Variants in IPO13 observed in about 807,000 individuals in gnomAD.
IPO13 encodes importin-13.
A neutral mutation model predicts 115.5 loss-of-function variants in IPO13; 28 were observed. That is an observed-to-expected ratio of 0.24 (90% CI 0.18 to 0.33). The LOEUF is 0.33. Ranked by LOEUF, IPO13 falls within the 10% of genes least tolerant of loss-of-function variation. The pLI, the probability that IPO13 is intolerant of heterozygous loss-of-function variation, is 1.00. For missense variants in IPO13, 785 were observed against 1,204.6 expected, an observed-to-expected ratio of 0.65 and a Z score of 5.16; for synonymous variants, 414 against 478.9, an observed-to-expected ratio of 0.86 and a Z score of 1.77.
rs4660759 is a variant in IPO13, at chr1:43,966,828, C to G, written c.2523+46C>G. 1,195,055 of 1,610,802 alleles carry G rather than the reference C, an allele frequency of 0.74. 455,344 individuals carry two copies. The highest frequency in any genetic ancestry group is 0.79 in the Non-Finnish European group (935,456 of 1,177,536). ...TGACCCACTGCCACCCCAGTGCCCTCCCCTGCCCAGGACTTCAGACAGTAG... is the reference window on the plus strand; with the variant it reads ...TGACCCACTGCCACCCCAGTGCCCTGCCCTGCCCAGGACTTCAGACAGTAG... On this transcript the variant is annotated intron_variant, in intron 17 of 19. Coordinates refer to ENST00000372343, the MANE Select transcript of IPO13 (RefSeq NM_014652.4). This position sits in a 1 kb window ranked among gnomAD's most constrained non-coding sequence, Gnocchi z 4.1.
rs747818907 is a variant in IPO13 at position 43,956,354 on chromosome 1, G to C, written c.856G>C (p.Val286Leu). The C allele has an allele frequency of 6.2e-7, 1 of 1,614,172 alleles. No homozygotes were observed. ...VNTLLKLIPL[V>L]LGLQEQLRQA... ...CACACTCCTGAAACTCATCCCGCTG[G>C]TGCTGGGTCTGCAGGAACAACTGCG... The change falls in exon 3 of 20, where the codon GTG (valine) becomes CTG (leucine). Residue 286 changes from valine (V) to leucine (L), a missense_variant. Val to Leu is a conservative substitution (Grantham distance 32, BLOSUM62 1). This residue lies in a region of IPO13 where 325 missense variants were observed against 449.8 expected (regional missense o/e 0.72). Transcript: ENST00000372343. The surrounding 1 kb of genome is among the most constrained non-coding windows in gnomAD (Gnocchi z 4.7).
At position 43,958,706 on chromosome 1, in the gene IPO13, G is replaced by C. The variant is rs571933702; in HGVS notation, c.1885-40G>C. Reference sequence around the variant, plus strand: ...GCTCAGTGATCTGGGGACCAAACTGGGGCTGGGAGATCTGGAGCTTGGTTT... The same window carrying C: ...GCTCAGTGATCTGGGGACCAAACTGCGGCTGGGAGATCTGGAGCTTGGTTT... On this transcript the variant is annotated intron_variant, in intron 10 of 19. Transcript: ENST00000372343. The surrounding 1 kb of genome is among the most constrained non-coding windows in gnomAD (Gnocchi z 6.3). The C allele has an allele frequency of 1.3e-5, 21 of 1,613,590 alleles. No individual in the cohort carries two copies. In the South Asian group the frequency reaches 2.1e-4, roughly 16 times the overall value.
Position 43,966,951 on chromosome 1 carries a change from G to A in IPO13, c.2545G>A (p.Gly849Arg), listed in dbSNP as rs2085329888. 6.2e-7 allele frequency: 1 copy of A among 1,613,760 alleles called. No individual in the cohort carries two copies. The highest frequency in any genetic ancestry group is 1.3e-5 in the African/African-American group (1 of 74,914). ...GCAGACAGAGCTGCTGCCTCGGTGT[G>A]GGGAAGTAGAGTCTGTGGGAAAGGT... ...GFFTELLPRC[G>R]EVESVGKVVQ... Residue 849 changes from glycine to arginine, a missense_variant, in exon 18 of 20, where the codon GGG becomes AGG. Gly to Arg is a moderately radical substitution (Grantham distance 125). This residue lies in a region of IPO13 where 285 missense variants were observed against 394.8 expected (regional missense o/e 0.72). Transcript: ENST00000372343. This position sits in a 1 kb window ranked among gnomAD's most constrained non-coding sequence, Gnocchi z 4.1.
Position 43,966,462 on chromosome 1 carries a change from T to G in IPO13, c.2398-113T>G. The G allele has an allele frequency of 1.8e-6, 2 of 1,097,736 alleles. No homozygotes were observed. Among genetic ancestry groups the G allele is most frequent in the Non-Finnish European group, 2.7e-6 (2 of 729,332 alleles). 68.0% of individuals were successfully genotyped at this position (1,097,736 alleles called of 1,614,324 possible). ...CCCCAGAGATGGCTGGGTAGCTGGT[T>G]TTGGCAGCCTCTACCTGTGAGGTGT... On this transcript the variant is annotated intron_variant, in intron 15 of 19. Coordinates refer to ENST00000372343, the MANE Select transcript of IPO13 (RefSeq NM_014652.4). This position sits in a 1 kb window ranked among gnomAD's most constrained non-coding sequence, Gnocchi z 4.1.
At chr1:43,947,784 T>C in intron 1 of IPO13, 100 bp downstream of exon 1, 1 of 597,392 alleles carries the variant, frequency 1.7e-6, no homozygotes, top group Non-Finnish European at 2.6e-6. Flanking sequence ...CCCGCTGGTA[T>C]GGTGCCCCCA....
rs1247292081 is a variant in IPO13, at chr1:43,949,613, C to G, written c.281C>G (p.Pro94Arg). Reference sequence around the variant, plus strand: ...ATCTCTCGCTACTGGAGTGACATCCCCACTGACCAGTATGAAAGCCTAAAG... The same window carrying G: ...ATCTCTCGCTACTGGAGTGACATCCGCACTGACCAGTATGAAAGCCTAAAG... ...IKISRYWSDIPTDQYESLKAQ... is the reference protein window; with the variant it reads ...IKISRYWSDIRTDQYESLKAQ... Residue 94 changes from proline to arginine, a missense_variant, in exon 2 of 20, where the codon CCC becomes CGC. Physicochemically the swap from Pro to Arg is moderately radical, Grantham distance 103 (BLOSUM62 -2). This residue lies in a region of IPO13 where 325 missense variants were observed against 449.8 expected (regional missense o/e 0.72). Coordinates refer to ENST00000372343, the MANE Select transcript of IPO13 (RefSeq NM_014652.4). 2.5e-6 allele frequency: 4 copies of G among 1,614,204 alleles called. No homozygotes were observed. The highest frequency in any genetic ancestry group is 2.5e-6 in the Non-Finnish European group (3 of 1,180,034).
intron 1 of IPO13, 93 bp from the exon 2 acceptor site, chr1:43,949,324 G>A: frequency 1.5e-6 from 2 of 1,368,194 alleles, no homozygotes; most frequent in Non-Finnish European, 2.0e-6. Context: ...CAGGGAGAGG[G>A]AGCAGCCTTG....
Position 43,947,632 on chromosome 1 carries a change from C to T in IPO13, c.32C>T (p.Ala11Val). The part of the protein sequence containing the change: MERREEQPGA[A>V]GAGAAPALDF... Reference sequence around the variant, plus strand: ...CGGCGGGAGGAGCAGCCGGGGGCTGCAGGGGCTGGAGCAGCACCAGCCTTG... The same window carrying T: ...CGGCGGGAGGAGCAGCCGGGGGCTGTAGGGGCTGGAGCAGCACCAGCCTTG... Residue 11 changes from alanine (A) to valine (V), a missense_variant, in exon 1 of 20, where the codon GCA becomes GTA. By Grantham distance (64) the Ala-to-Val change is moderately conservative (BLOSUM62 0). Transcript: ENST00000372343. 2.3e-6 allele frequency: 3 copies of T among 1,329,716 alleles called. No individual in the cohort carries two copies. The highest frequency in any genetic ancestry group is 4.3e-5 in the South Asian group (2 of 46,912). The allele number at this position is 1,329,716 out of a possible 1,614,324, so 82.4% of individuals were successfully genotyped here.
rs752950730 is a variant in IPO13, at chr1:43,950,090, C to G, written c.758C>G (p.Ser253Trp). 1 of 1,613,778 alleles carries G rather than the reference C, an allele frequency of 6.2e-7. No individual in the cohort carries two copies. Among genetic ancestry groups the G allele is most frequent in the Non-Finnish European group, 8.5e-7 (1 of 1,180,030 alleles). ...IQAAFAALQD[S>W]ELFDSSVEAI... ...GCTGCCTTTGCTGCTCTGCAGGACTCGGAGCTCTTCGACAGCAGTGTGGAG... is the reference window on the plus strand; with the variant it reads ...GCTGCCTTTGCTGCTCTGCAGGACTGGGAGCTCTTCGACAGCAGTGTGGAG... Residue 253 changes from serine (S) to tryptophan (W), a missense_variant, in exon 2 of 20, where the codon TCG becomes TGG. This residue lies in a region of IPO13 where 325 missense variants were observed against 449.8 expected (regional missense o/e 0.72). Transcript: ENST00000372343.
In IPO13 at chr1:43,957,564, A is replaced by G. The variant is rs375754477; in HGVS notation, c.1540+15A>G. 1.9e-6 allele frequency: 3 copies of G among 1,613,722 alleles called. No individual in the cohort carries two copies. Among genetic ancestry groups the G allele is most frequent in the African/African-American group, 2.7e-5 (2 of 74,926 alleles). ...GTTCACCATTGGTGAGACCTGGCAC[A>G]CACCCATGACCATATTCCCAGAGCC... On this transcript the variant is annotated intron_variant, in intron 7 of 19. Transcript: ENST00000372343.
Position 43,957,587 on chromosome 1 carries a change from G to T in IPO13, c.1540+38G>T, listed in dbSNP as rs2085260132. On this transcript the variant is annotated intron_variant, in intron 7 of 19. Coordinates refer to ENST00000372343, the MANE Select transcript of IPO13 (RefSeq NM_014652.4). ...ACACACCCATGACCATATTCCCAGA[G>T]CCACAGCACCCAACCCTGGCCACAG... The T allele has an allele frequency of 2.5e-6, 4 of 1,610,314 alleles. No individual in the cohort carries two copies. In the South Asian group the frequency reaches 4.4e-5, roughly 18 times the overall value.
At position 43,949,764 on chromosome 1, in the gene IPO13, A is replaced by T; in HGVS notation, c.432A>T (p.Ala144=). Reference sequence around the variant, plus strand: ...CTGACGCTTGGCCATGTGCTGTGGCAGATATGGTACGACTCTTCCAGGCTG... The same window carrying T: ...CTGACGCTTGGCCATGTGCTGTGGCTGATATGGTACGACTCTTCCAGGCTG... ...MMPDAWPCAV[A]DMVRLFQAED... is the part of the protein sequence containing the mutation. Residue 144 remains alanine (A), a synonymous_variant, in exon 2 of 20, where the codon GCA becomes GCT. Coordinates refer to ENST00000372343, the MANE Select transcript of IPO13 (RefSeq NM_014652.4). 6.2e-7 allele frequency: 1 copy of T among 1,614,206 alleles called. No homozygotes were observed. Among genetic ancestry groups the T allele is most frequent in the Non-Finnish European group, 8.5e-7 (1 of 1,180,020 alleles).
Position 43,949,980 on chromosome 1 carries a change from C to T in IPO13, c.648C>T (p.Ser216=). ...TGCTACAGCAGCCCAGCTCACCCAG[C>T]TGTGTGCGTCAGAAGGTGCTCAAGT... ...EQLLQQPSSP[S]CVRQKVLKCF... is the part of the protein sequence containing the mutation. The change falls in exon 2 of 20, where the codon AGC becomes AGT. Residue 216 remains serine, a synonymous_variant. Transcript: ENST00000372343. 1 of 1,611,974 alleles carries T rather than the reference C, an allele frequency of 6.2e-7. No homozygotes were observed. Among genetic ancestry groups the T allele is most frequent in the South Asian group, 1.1e-5 (1 of 90,928 alleles).
intron 11 of IPO13, among the ~76,000 whole-genome samples, chr1:43,959,312 G>A (rs1242834904): frequency 6.6e-6 from 1 of 152,210 alleles, no homozygotes; most frequent in Non-Finnish European, 1.5e-5. Flanking sequence ...GCATGTAATA[G>A]TTCTGGCCTT....
chr1:43,952,804 G>T lies in IPO13; in HGVS notation c.821+2651G>T, dbSNP rs928739150. ...AAGAGAATGTGAAGCTTTTAGCATGGTTCCTATATACTCTGTAAACGGCAG... is the reference window on the plus strand; with the variant it reads ...AAGAGAATGTGAAGCTTTTAGCATGTTTCCTATATACTCTGTAAACGGCAG... On this transcript the variant is annotated intron_variant, in intron 2 of 19. Transcript: ENST00000372343. The surrounding 1 kb of genome is among the most constrained non-coding windows in gnomAD (Gnocchi z 4.7). 1.3e-5 allele frequency among the ~76,000 whole-genome samples: 2 copies of T among 152,204 alleles called. No individual in the cohort carries two copies. Among genetic ancestry groups the T allele is most frequent in the Non-Finnish European group, 2.9e-5 (2 of 68,036 alleles).
chr1:43,966,411 T>C lies in IPO13; in HGVS notation c.2398-164T>C. On this transcript the variant is annotated intron_variant, in intron 15 of 19. Transcript: ENST00000372343. This position sits in a 1 kb window ranked among gnomAD's most constrained non-coding sequence, Gnocchi z 4.1. ...TCCCTTGAGCTGTCCTCACCTGACC[T>C]ACTGAACTCTGAGGTGGTCCGGGTC... is the stretch of plus-strand genomic sequence containing the variant. 1 of 683,794 alleles carries C rather than the reference T, an allele frequency of 1.5e-6. No homozygotes were observed. Among genetic ancestry groups the C allele is most frequent in the East Asian group, 2.7e-5 (1 of 37,150 alleles). 42.4% of individuals were successfully genotyped at this position (683,794 alleles called of 1,614,324 possible).
At chr1:43,950,246 A>G (rs1227414732) in intron 2 of IPO13, 93 bp downstream of exon 2, 2 of 1,392,470 alleles carry the variant, frequency 1.4e-6, no homozygotes, top group Non-Finnish European at 1.9e-6. Context: ...TTGAATGTGT[A>G]CTGATACCTG....
Position 43,956,214 on chromosome 1 carries a change from G to T in IPO13, c.822-106G>T, listed in dbSNP as rs1045639618. 5.4e-6 allele frequency: 7 copies of T among 1,303,840 alleles called. No homozygotes were observed. The African/African-American group carries it at 8.8e-5, about 16-fold the overall frequency. The allele number at this position is 1,303,840 out of a possible 1,614,324, so 80.8% of individuals were successfully genotyped here. A position where few individuals can be genotyped will look rare whatever the true frequency, so the allele number is the denominator to read the frequency against. ...CCTTTTTTTGCTTAGGATTTGATAA[G>T]GGAAGGGGAGCTTTGATGGAAGACA... is the stretch of plus-strand genomic sequence containing the variant. On this transcript the variant is annotated intron_variant, in intron 2 of 19. Transcript: ENST00000372343. The surrounding 1 kb of genome is among the most constrained non-coding windows in gnomAD (Gnocchi z 4.7).
chr1:43,959,879 T>C lies in IPO13; in HGVS notation c.2029-370T>C, dbSNP rs2085277933. 2.6e-5 allele frequency among the ~76,000 whole-genome samples: 4 copies of C among 152,296 alleles called. No individual in the cohort carries two copies. In the South Asian group the frequency reaches 6.2e-4, roughly 24 times the overall value. On this transcript the variant is annotated intron_variant, in intron 11 of 19. Coordinates refer to ENST00000372343, the MANE Select transcript of IPO13 (RefSeq NM_014652.4). ...TGGGGCTCCCTACCTCAAGCCTATT[T>C]GGAGGAGATAGCATCTCCACTTCTT... is the stretch of plus-strand genomic sequence containing the variant.
Sources: gnomAD v4.1 joint callset for allele counts (sites outside exome capture counted in the v4.1 genomes callset) on GRCh38, gnomAD v4.1.1 for gene constraint, gnomAD v4.1.1 regional missense constraint, Gnocchi (gnomAD v3.1) non-coding constraint, MANE v1.5 for transcripts, NCBI Gene and HGNC (gene_info 2026-07-23, HGNC 2026-07-21) for gene names.